DZIP3: variants seen among roughly 807,000 people sequenced by gnomAD.
DZIP3 encodes the protein E3 ubiquitin-protein ligase DZIP3.
Under a neutral mutation model 162.0 loss-of-function variants are expected in DZIP3, and 118 were observed. That is an observed-to-expected ratio of 0.73 (90% CI 0.63 to 0.85). DZIP3 has a LOEUF of 0.85. Among genes scored for constraint, DZIP3 ranks in the 40% least tolerant of loss-of-function variants. The probability of loss-of-function intolerance (pLI) is 0.00; values close to 1 mark genes in which losing one functional copy is unlikely to be tolerated. For synonymous variants in DZIP3, 438 were observed against 458.6 expected (o/e 0.96, Z 0.57); for missense variants, 1,331 against 1,407.0 (o/e 0.95, Z 0.86).
At chr3:108,688,993 A>C (rs1332899426) in intron 31 of DZIP3, 69 bp downstream of exon 31, 31 of 1,386,062 alleles carry the variant, frequency 2.2e-5, no homozygotes, top group Non-Finnish European at 3.1e-5. Context: ...TATCATATAC[A>C]TGTATCATTA....
At chr3:108,621,925 T>TA (rs1007778420) in intron 5 of DZIP3, among the ~76,000 whole-genome samples, 6 of 151,366 alleles carry the variant, frequency 4.0e-5, no homozygotes, top group Admixed American at 1.3e-4. Flanking sequence ...TATTCAGCCA[T>TA]AAAAAAGCAC....
chr3:108,612,095 G>A (rs1940743471), intron 4 of DZIP3, among the ~76,000 whole-genome samples: 1 of 152,006 alleles, frequency 6.6e-6, no homozygotes, highest in African/African-American at 2.4e-5. Flanking sequence ...TAGTTTTTCT[G>A]TATAATTTGT....
At chr3:108,617,792 A>T (rs1576365623) in intron 5 of DZIP3, among the ~76,000 whole-genome samples, 1 of 152,232 alleles carries the variant, frequency 6.6e-6, no homozygotes, top group Non-Finnish European at 1.5e-5. Context: ...GATATGGCAG[A>T]CCTGCTATTT....
At chr3:108,600,834 T>C (rs1290279902) in intron 1 of DZIP3, among the ~76,000 whole-genome samples, 1 of 152,148 alleles carries the variant, frequency 6.6e-6, no homozygotes, top group Non-Finnish European at 1.5e-5. Flanking sequence ...GGAATACCCT[T>C]ACAGTAGTTT....
chr3:108,625,941 C>T lies in DZIP3; in HGVS notation c.553C>T (p.Arg185Cys), dbSNP rs199621537. The T allele has an allele frequency of 6.2e-6, 10 of 1,613,250 alleles. No homozygotes were observed. Among genetic ancestry groups the T allele is most frequent in the South Asian group, 4.4e-5 (4 of 90,852 alleles). Reference protein sequence around the residue: ...ENFMSLVYFGRGLLRCAQKRY... With the variant: ...ENFMSLVYFGCGLLRCAQKRY... ...CTTTATGTCTTTAGTTTATTTTGGACGTGGTTTACTGCGATGTGCTCAAAA... is the reference window on the plus strand; with the variant it reads ...CTTTATGTCTTTAGTTTATTTTGGATGTGGTTTACTGCGATGTGCTCAAAA... The change falls in exon 7 of 33, where the codon CGT (arginine) becomes TGT (cysteine). Residue 185 changes from arginine (R) to cysteine (C), a missense_variant. Coordinates refer to ENST00000361582, the MANE Select transcript of DZIP3 (RefSeq NM_014648.4).
intron 12 of DZIP3, among the ~76,000 whole-genome samples, chr3:108,639,789 T>C (rs2399236): frequency 0.33 from 50,024 of 151,672 alleles, 8,570 homozygotes; most frequent in Middle Eastern, 0.38. Context: ...ATTTCATTGA[T>C]GTTTGTTCTT....
Position 108,690,796 on chromosome 3 carries a change from C to A in DZIP3, c.3526C>A (p.Pro1176Thr), listed in dbSNP as rs1434936111. 1 of 1,613,972 alleles carries A rather than the reference C, an allele frequency of 6.2e-7. No homozygotes were observed. The highest frequency in any genetic ancestry group is 1.1e-5 in the South Asian group (1 of 91,052). Residue 1176 changes from proline to threonine, a missense_variant, in exon 32 of 33, where the codon CCA becomes ACA. By Grantham distance (38) the Pro-to-Thr change is conservative. Coordinates refer to ENST00000361582, the MANE Select transcript of DZIP3 (RefSeq NM_014648.4). ...AHKFHAQCIRPWLMQQGTCPT... is the reference protein window; with the variant it reads ...AHKFHAQCIRTWLMQQGTCPT... ...TCTTTTTGCTCCTTAGTGCATTAGA[C>A]CATGGTTGATGCAACAGGGGACATG...
chr3:108,605,558 A>C, intron 2 of DZIP3, 120 bp downstream of exon 2: 1 of 958,900 alleles, frequency 1.0e-6, no homozygotes, highest in Non-Finnish European at 1.6e-6. Context: ...ACTTCAGATC[A>C]TCAGGCATTA....
chr3:108,654,059 G>A (rs1942995646), intron 18 of DZIP3, 86 bp from the exon 19 acceptor site: 2 of 1,423,220 alleles, frequency 1.4e-6, no homozygotes, highest in Non-Finnish European at 1.9e-6. Flanking sequence ...TATGAAACCA[G>A]TACAATACTA....
At chr3:108,598,328 C>T (rs1939813189) in intron 1 of DZIP3, among the ~76,000 whole-genome samples, 1 of 152,068 alleles carries the variant, frequency 6.6e-6, no homozygotes, top group East Asian at 1.9e-4. Flanking sequence ...ATTTTTAAAA[C>T]TTATTACAAT....
intron 19 of DZIP3, among the ~76,000 whole-genome samples, chr3:108,657,352 G>T (rs1415286550): frequency 6.6e-6 from 1 of 152,060 alleles, no homozygotes; most frequent in African/African-American, 2.4e-5. Flanking sequence ...TTAAAGAAAA[G>T]AATTTTCAAC....
At position 108,610,078 on chromosome 3, in the gene DZIP3, A is replaced by C. The variant is rs542284458; in HGVS notation, c.103-1096A>C. On this transcript the variant is annotated intron_variant, in intron 3 of 32. Transcript: ENST00000361582. Reference sequence around the variant, plus strand: ...ATTTCAAACCTTTAGAAAGATTGCAAGATAGTAAAATGAATAGTAGTACAA... The same window carrying C: ...ATTTCAAACCTTTAGAAAGATTGCACGATAGTAAAATGAATAGTAGTACAA... 7.2e-5 allele frequency among the ~76,000 whole-genome samples: 11 copies of C among 152,320 alleles called. No individual in the cohort carries two copies. The South Asian group carries it at 1.7e-3, about 23-fold the overall frequency.
In DZIP3 at chr3:108,611,218, C is replaced by T. The variant is rs564852688; in HGVS notation, c.147C>T (p.Asn49=). The change falls in exon 4 of 33, where the codon AAC becomes AAT. Residue 49 remains asparagine, a synonymous_variant. Coordinates refer to ENST00000361582, the MANE Select transcript of DZIP3 (RefSeq NM_014648.4). The part of the protein sequence containing the change: ...NDIPTDLVPV[N]LLLEVKKLLN... Reference sequence around the variant, plus strand: ...TACCTACTGATCTTGTCCCTGTTAACCTACTATTAGAAGTGAAGAAGTTAT... The same window carrying T: ...TACCTACTGATCTTGTCCCTGTTAATCTACTATTAGAAGTGAAGAAGTTAT... 2 of 1,609,958 alleles carry T rather than the reference C, an allele frequency of 1.2e-6. No individual in the cohort carries two copies. The highest frequency in any genetic ancestry group is 2.2e-5 in the South Asian group (2 of 89,754).
rs79032626 is a variant in DZIP3, at chr3:108,618,202, A to T, written c.375+1545A>T. On this transcript the variant is annotated intron_variant, in intron 5 of 32. Transcript: ENST00000361582. The stretch of plus-strand genomic sequence containing the variant: ...AAAGGACAGGGGCTTTAGGTTAGAA[A>T]TGTACAACTTGCATCTTTAAATTCC... Among the ~76,000 whole-genome samples the T allele has an allele frequency of 5.9e-5, 9 of 152,322 alleles. No homozygotes were observed. In the East Asian group the frequency reaches 1.7e-3, roughly 29 times the overall value.
intron 5 of DZIP3, among the ~76,000 whole-genome samples, chr3:108,618,776 T>C (rs1941157065): frequency 6.6e-6 from 1 of 151,840 alleles, no homozygotes; most frequent in Admixed American, 6.6e-5. Context: ...AACAGAAAGC[T>C]TATGGGCCGG....
At chr3:108,618,595 T>G (rs1290614947) in intron 5 of DZIP3, among the ~76,000 whole-genome samples, 1 of 152,192 alleles carries the variant, frequency 6.6e-6, no homozygotes, top group Non-Finnish European at 1.5e-5. Context: ...TTAGATGTTA[T>G]GAGGAGTTTA....
chr3:108,627,613 T>G (rs1941644328), intron 7 of DZIP3, among the ~76,000 whole-genome samples: 1 of 152,210 alleles, frequency 6.6e-6, no homozygotes, highest in Non-Finnish European at 1.5e-5. Flanking sequence ...ATATTAGGAC[T>G]GGATTCAGGT....
Position 108,629,095 on chromosome 3 carries a change from C to T in DZIP3, c.615C>T (p.Ser205=), listed in dbSNP as rs757954064. 6.2e-7 allele frequency: 1 copy of T among 1,603,062 alleles called. No homozygotes were observed. Among genetic ancestry groups the T allele is most frequent in the South Asian group, 1.1e-5 (1 of 88,338 alleles). ...YNGGLLEFHK[S]LQEIGDKNDH... ...GAGGACTGCTAGAATTTCATAAAAG[C>T]TTACAAGAAATTGGAGACAAAAATG... The change falls in exon 8 of 33, where the codon AGC becomes AGT. Residue 205 remains serine, a synonymous_variant. Transcript: ENST00000361582.
chr3:108,641,730 A>G (rs1942409576), intron 12 of DZIP3, among the ~76,000 whole-genome samples: 3 of 152,178 alleles, frequency 2.0e-5, no homozygotes, highest in Non-Finnish European at 2.9e-5. Flanking sequence ...CATTTTTTCA[A>G]TGTAATGTGC....
Sources: allele counts gnomAD v4.1 joint callset (sites outside exome capture counted in the v4.1 genomes callset), GRCh38; gene constraint gnomAD v4.1.1; transcripts MANE v1.5; gene names NCBI Gene and HGNC (gene_info 2026-07-23, HGNC 2026-07-21).